Variants in DLGAP1 observed in about 807,000 individuals in gnomAD.
DLGAP1 encodes DLG associated protein 1.
In DLGAP1, 11 loss-of-function variants were observed where a neutral mutation model predicts 90.8. The observed-to-expected ratio is 0.12, with a 90% CI of 0.08 to 0.20. DLGAP1 has a LOEUF of 0.20. Among genes scored for constraint, DLGAP1 ranks in the 10% least tolerant of loss-of-function variants. The pLI, the probability that DLGAP1 is intolerant of heterozygous loss-of-function variation, is 1.00. For synonymous variants in DLGAP1, 558 were observed against 540.7 expected (o/e 1.03, Z -0.44); for missense variants, 1,050 against 1,333.8 (o/e 0.79, Z 3.31).
chr18:4,189,009 C>G (rs2077348474), intron 1 of DLGAP1, among the ~76,000 whole-genome samples: 1 of 152,096 alleles, frequency 6.6e-6, no homozygotes, highest in African/African-American at 2.4e-5. Flanking sequence ...GTTCATCTGT[C>G]TCACTGTAAA....
chr18:3,499,028 G>C lies in DLGAP1; in HGVS notation c.*157C>G. On this transcript the variant is annotated 3_prime_UTR_variant, in exon 13 of 13. Transcript: ENST00000315677. This position sits in a 1 kb window ranked among gnomAD's most constrained non-coding sequence, Gnocchi z 6.4. ...GGAAGTGGGGGGCTGAGGGGGGCCC[G>C]GGGGGCGGCTCCTGCGAGGTGGACA... is the stretch of plus-strand genomic sequence containing the variant. The C allele has an allele frequency of 1.6e-6, 1 of 637,466 alleles. No individual in the cohort carries two copies. The highest frequency in any genetic ancestry group is 2.6e-6 in the Non-Finnish European group (1 of 389,382). The allele number at this position is 637,466 out of a possible 1,614,324, so 39.5% of individuals were successfully genotyped here.
chr18:4,029,806 T>C (rs1241887169), intron 2 of DLGAP1, among the ~76,000 whole-genome samples: 2 of 151,950 alleles, frequency 1.3e-5, no homozygotes, highest in African/African-American at 4.8e-5. Flanking sequence ...TACTTCAGGG[T>C]TTTCCTCATT....
chr18:4,093,740 A>G (rs1568392745), intron 2 of DLGAP1, among the ~76,000 whole-genome samples: 1 of 152,112 alleles, frequency 6.6e-6, no homozygotes, highest in Non-Finnish European at 1.5e-5. Flanking sequence ...TCTACAAGCA[A>G]TCACCTTGTC....
chr18:4,286,207 G>A (rs999892886), intron 1 of DLGAP1, among the ~76,000 whole-genome samples: 8 of 152,094 alleles, frequency 5.3e-5, no homozygotes, highest in African/African-American at 1.7e-4. Context: ...AGTATTATAT[G>A]GTAGAGGAGA....
intron 1 of DLGAP1, among the ~76,000 whole-genome samples, chr18:4,450,892 T>A (rs2083808791): frequency 6.6e-6 from 1 of 152,164 alleles, no homozygotes; most frequent in Non-Finnish European, 1.5e-5. Context: ...CAATTAGATA[T>A]CCAGTGGGAC....
chr18:3,534,598 C>T lies in DLGAP1; in HGVS notation c.2075G>A (p.Arg692Gln), dbSNP rs371083078. The T allele has an allele frequency of 1.2e-5, 19 of 1,573,068 alleles. No homozygotes were observed. Among genetic ancestry groups the T allele is most frequent in the South Asian group, 2.3e-5 (2 of 85,644 alleles). ...TACTGCTGTCGTCACACTGTTGGATCGAGTGAACCTGCGGAAGCTTGGGAG... is the reference window on the plus strand; with the variant it reads ...TACTGCTGTCGTCACACTGTTGGATTGAGTGAACCTGCGGAAGCTTGGGAG... ...EEEKCFRRFT[R>Q]SNSVTTAVQA... The change falls in exon 10 of 13, where the codon CGA (arginine) becomes CAA (glutamine). Residue 692 changes from arginine (R) to glutamine (Q), a missense_variant. By Grantham distance (43) the Arg-to-Gln change is conservative. Around this residue, in one of 2 missense-constraint regions of DLGAP1, gnomAD observed 565 missense variants for 879.7 expected, o/e 0.64. Coordinates refer to ENST00000315677, the MANE Select transcript of DLGAP1 (RefSeq NM_004746.4).
At chr18:3,959,717 T>C (rs962957686) in intron 3 of DLGAP1, among the ~76,000 whole-genome samples, 1 of 150,010 alleles carries the variant, frequency 6.7e-6, no homozygotes, top group Non-Finnish European at 1.5e-5. Context: ...GTCACAAGCA[T>C]AACTGCAAAT....
intron 1 of DLGAP1, among the ~76,000 whole-genome samples, chr18:4,393,389 G>A (rs115269284): frequency 3.0e-3 from 450 of 151,974 alleles, no homozygotes; most frequent in Non-Finnish European, 4.4e-3. Flanking sequence ...TCTTTCCCAC[G>A]CAAGAGCCTT....
intron 1 of DLGAP1, among the ~76,000 whole-genome samples, chr18:4,363,153 CT>C (rs2081666802): frequency 1.3e-5 from 2 of 152,094 alleles, no homozygotes; most frequent in African/African-American, 4.8e-5. Context: ...CCCAATATTC[CT>C]TGTGGAGATA....
At chr18:3,630,508 TTCTC>T (rs1179895092) in intron 7 of DLGAP1, among the ~76,000 whole-genome samples, 1 of 152,172 alleles carries the variant, frequency 6.6e-6, no homozygotes. Context: ...ATCTTTGTCT[TTCTC>T]TCTCTCCTGT....
intron 7 of DLGAP1, among the ~76,000 whole-genome samples, chr18:3,664,214 A>ACACACACC (rs1440415262): frequency 2.0e-5 from 2 of 101,122 alleles, no homozygotes; most frequent in African/African-American, 8.2e-5. Context: ...ACACACACAC[A>ACACACACC]CACCCACACA....
chr18:4,115,496 T>TCCTTCCTTCC (rs1568405036), intron 2 of DLGAP1, among the ~76,000 whole-genome samples: 1 of 151,344 alleles, frequency 6.6e-6, no homozygotes, highest in Admixed American at 6.6e-5. Context: ...CTTTCTTTCT[T>TCCTTCCTTCC]TTTTTTTGAG....
At chr18:3,527,280 C>G (rs1273165990) in intron 10 of DLGAP1, among the ~76,000 whole-genome samples, 1 of 152,124 alleles carries the variant, frequency 6.6e-6, no homozygotes, top group African/African-American at 2.4e-5. Flanking sequence ...TAATTAATAA[C>G]TAAATAACTA....
intron 3 of DLGAP1, chr18:3,977,969 A>G: frequency 2.8e-6 from 1 of 362,524 alleles, no homozygotes; most frequent in East Asian, 8.3e-5. Flanking sequence ...ATTCAGCTCC[A>G]GGATGACTTT....
intron 9 of DLGAP1, among the ~76,000 whole-genome samples, chr18:3,564,098 C>T (rs538670102): frequency 3.3e-4 from 50 of 152,192 alleles, no homozygotes; most frequent in Admixed American, 7.2e-4. Context: ...TCTCTTCAAA[C>T]TGTGTTTTTT....
At chr18:4,320,176 G>A (rs1411096491) in intron 1 of DLGAP1, among the ~76,000 whole-genome samples, 1 of 152,118 alleles carries the variant, frequency 6.6e-6, no homozygotes, top group Non-Finnish European at 1.5e-5. Context: ...GTGAGATACT[G>A]TTTAACTGCT....
At chr18:4,240,287 A>G (rs1283051157) in intron 1 of DLGAP1, among the ~76,000 whole-genome samples, 1 of 152,150 alleles carries the variant, frequency 6.6e-6, no homozygotes, top group Non-Finnish European at 1.5e-5. Flanking sequence ...TATTACATCT[A>G]TATTTATGCA....
intron 3 of DLGAP1, among the ~76,000 whole-genome samples, chr18:4,003,128 C>A (rs1048064949): frequency 3.3e-5 from 5 of 152,304 alleles, no homozygotes; most frequent in Middle Eastern, 3.4e-3. Flanking sequence ...AGAACCATGA[C>A]CCCTCGTGGG....
At chr18:3,968,329 G>T (rs1018661499) in intron 3 of DLGAP1, among the ~76,000 whole-genome samples, 1 of 152,006 alleles carries the variant, frequency 6.6e-6, no homozygotes, top group African/African-American at 2.4e-5. Flanking sequence ...CGCAGCTATT[G>T]ATCTCCACTT....
Sources: gnomAD v4.1 joint callset for allele counts (sites outside exome capture counted in the v4.1 genomes callset) on GRCh38, gnomAD v4.1.1 for gene constraint, gnomAD v4.1.1 regional missense constraint, Gnocchi (gnomAD v3.1) non-coding constraint, MANE v1.5 for transcripts, NCBI Gene and HGNC (gene_info 2026-07-23, HGNC 2026-07-21) for gene names.